TPD52L1: variants seen among roughly 807,000 people sequenced by gnomAD.
TPD52L1 encodes the protein TPD52 like 1, also known as tumor protein D53.
A neutral mutation model predicts 28.7 loss-of-function variants in TPD52L1; 18 were observed. The observed-to-expected ratio is 0.63, with a 90% CI of 0.43 to 0.93. TPD52L1 has a LOEUF of 0.93. Among genes scored for constraint, TPD52L1 ranks in the 40% least tolerant of loss-of-function variants. TPD52L1 has a pLI of 0.00. For missense variants in TPD52L1, 203 were observed against 254.8 expected, an observed-to-expected ratio of 0.80 and a Z score of 1.39; for synonymous variants, 75 against 88.8, an observed-to-expected ratio of 0.84 and a Z score of 0.88.
chr6:125,226,920 CA>C (rs1795647121), intron 2 of TPD52L1, among the ~76,000 whole-genome samples: 1 of 152,096 alleles, frequency 6.6e-6, no homozygotes, highest in South Asian at 2.1e-4. Flanking sequence ...TTTAAAATAA[CA>C]GTGTATTCTC....
intron 1 of TPD52L1, among the ~76,000 whole-genome samples, chr6:125,187,182 C>G (rs1792694018): frequency 6.6e-6 from 1 of 152,048 alleles, no homozygotes; most frequent in Non-Finnish European, 1.5e-5. Flanking sequence ...AACTGGCCAG[C>G]CGTGTATGAA....
chr6:125,253,678 TTTTTC>T (rs749236940), intron 4 of TPD52L1, 34 bp from the exon 5 acceptor site: 1 of 1,596,500 alleles, frequency 6.3e-7, no homozygotes, highest in South Asian at 1.1e-5. Flanking sequence ...GCTCTCTTCT[TTTTTC>T]TTTTTTCCCC....
intron 1 of TPD52L1, chr6:125,154,516 CT>C: frequency 1.0e-6 from 1 of 981,938 alleles, no homozygotes; most frequent in Non-Finnish European, 1.2e-6. Context: ...GCCCCCTGAC[CT>C]CCAGCAGATC....
intron 1 of TPD52L1, among the ~76,000 whole-genome samples, chr6:125,211,374 C>T (rs1794496522): frequency 6.6e-6 from 1 of 151,832 alleles, no homozygotes; most frequent in Admixed American, 6.6e-5. Flanking sequence ...AGAAAAAGTG[C>T]TGTCAATTAA....
At chr6:125,225,542 A>G (rs1582966087) in intron 2 of TPD52L1, among the ~76,000 whole-genome samples, 1 of 152,246 alleles carries the variant, frequency 6.6e-6, no homozygotes, top group East Asian at 1.9e-4. Flanking sequence ...TCATATTTAA[A>G]TAATCAAGTT....
chr6:125,153,920 TC>T lies in TPD52L1; in HGVS notation c.-28del. 2 of 1,596,686 alleles carry T rather than the reference TC, an allele frequency of 1.3e-6. No homozygotes were observed. On this transcript the variant is annotated 5_prime_UTR_variant, in exon 1 of 7. Transcript: ENST00000534000. ...ATCTGCTCTGGGAAGCACCAGGGTG[TC>T]CCCGCCGCCCTCAGCTCGAAGTCAG...
At chr6:125,213,118 AT>A (rs1183212134) in intron 1 of TPD52L1, among the ~76,000 whole-genome samples, 4 of 152,174 alleles carry the variant, frequency 2.6e-5, no homozygotes, top group Admixed American at 1.3e-4. Context: ...TATGTGCTCA[AT>A]TTTTTTTAAC....
intron 3 of TPD52L1, among the ~76,000 whole-genome samples, chr6:125,238,522 C>T (rs910832171): frequency 2.6e-5 from 4 of 151,922 alleles, no homozygotes; most frequent in African/African-American, 7.3e-5. Context: ...CCCTTTCCCC[C>T]GAGTCCCCAA....
chr6:125,240,033 C>T (rs932217207), intron 3 of TPD52L1, among the ~76,000 whole-genome samples: 1 of 152,122 alleles, frequency 6.6e-6, no homozygotes, highest in Non-Finnish European at 1.5e-5. Flanking sequence ...CAGTTTCGTT[C>T]TTCTACATGT....
intron 1 of TPD52L1, among the ~76,000 whole-genome samples, chr6:125,184,809 C>A (rs1792482115): frequency 6.7e-6 from 1 of 148,586 alleles, no homozygotes; most frequent in African/African-American, 2.5e-5. Context: ...GAGGAGAAAC[C>A]AACAAAGTAA....
intron 5 of TPD52L1, among the ~76,000 whole-genome samples, chr6:125,256,813 A>G (rs528094559): frequency 7.8e-4 from 119 of 152,388 alleles, no homozygotes; most frequent in African/African-American, 2.7e-3. Context: ...AATGATTTAC[A>G]GTGTACCATG....
chr6:125,221,316 C>T (rs909154022), intron 2 of TPD52L1, among the ~76,000 whole-genome samples: 1 of 152,130 alleles, frequency 6.6e-6, no homozygotes, highest in Non-Finnish European at 1.5e-5. Context: ...AGTGCACAGA[C>T]CAAAGTTAGC....
At chr6:125,259,586 C>T (rs537308759) in intron 6 of TPD52L1, among the ~76,000 whole-genome samples, 10 of 152,310 alleles carry the variant, frequency 6.6e-5, no homozygotes, top group African/African-American at 2.4e-4. Context: ...TATCTTCTGC[C>T]ATCTCCCAAT....
chr6:125,182,185 A>G (rs1422360352), intron 1 of TPD52L1, among the ~76,000 whole-genome samples: 1 of 152,214 alleles, frequency 6.6e-6, no homozygotes, highest in Non-Finnish European at 1.5e-5. Flanking sequence ...AACATATATT[A>G]CTTGGCTGGG....
At chr6:125,218,501 A>G (rs1002214325) in intron 1 of TPD52L1, among the ~76,000 whole-genome samples, 21 of 152,250 alleles carry the variant, frequency 1.4e-4, no homozygotes, top group East Asian at 1.2e-3. Flanking sequence ...TCGGGAACAA[A>G]TCTTTTTAGT....
chr6:125,206,161 C>A (rs514096), intron 1 of TPD52L1, among the ~76,000 whole-genome samples: 81,351 of 151,960 alleles, frequency 0.54, 22,382 homozygotes, highest in East Asian at 0.65. Flanking sequence ...AAGCTTTAGA[C>A]AACAGTACTA....
At chr6:125,218,832 C>T (rs1254582654) in intron 1 of TPD52L1, among the ~76,000 whole-genome samples, 3 of 152,170 alleles carry the variant, frequency 2.0e-5, no homozygotes, top group Non-Finnish European at 1.5e-5. Context: ...AAAACGGGTC[C>T]TTGTCACACG....
intron 1 of TPD52L1, 115 bp from the exon 2 acceptor site, chr6:125,219,963 G>A (rs529995755): frequency 2.6e-6 from 2 of 772,724 alleles, no homozygotes; most frequent in South Asian, 2.9e-5. Context: ...GGAATTTTTA[G>A]TTGTTTTTTG....
In TPD52L1 at chr6:125,226,685, A is replaced by T. The variant is rs565006852; in HGVS notation, c.136-2433A>T. Among the ~76,000 whole-genome samples, 16 of 151,990 alleles carry T rather than the reference A, an allele frequency of 1.1e-4. No individual in the cohort carries two copies. In the South Asian group the frequency reaches 3.1e-3, roughly 30 times the overall value. The stretch of plus-strand genomic sequence containing the variant: ...ATACCCCCACCCCCGCCGAGAAAAA[A>T]CCCAGACTCCCAGTAATTTCAGTCA... On this transcript the variant is annotated intron_variant, in intron 2 of 6. Coordinates refer to ENST00000534000, the MANE Select transcript of TPD52L1 (RefSeq NM_003287.4).
Sources: allele counts gnomAD v4.1 joint callset (sites outside exome capture counted in the v4.1 genomes callset), GRCh38; gene constraint gnomAD v4.1.1; transcripts MANE v1.5; gene names NCBI Gene and HGNC (gene_info 2026-07-23, HGNC 2026-07-21).